Variants in FAF1 observed in about 807,000 individuals in gnomAD.
The protein encoded by FAF1 is Fas associated factor 1.
A neutral mutation model predicts 92.5 loss-of-function variants in FAF1; 25 were observed. The ratio of observed to expected loss-of-function variants is 0.27; its 90% CI spans 0.20 to 0.38. FAF1 has a LOEUF of 0.38. FAF1 is among the 10% of genes least tolerant of loss of function. FAF1 has a pLI of 1.00. For missense variants in FAF1, 636 were observed against 793.3 expected (o/e 0.80, Z 2.38); for synonymous variants, 234 against 273.2 (o/e 0.86, Z 1.42).
At chr1:50,889,342 G>A (rs1312831756) in intron 1 of FAF1, among the ~76,000 whole-genome samples, 1 of 151,970 alleles carries the variant, frequency 6.6e-6, no homozygotes, top group Non-Finnish European at 1.5e-5. Context: ...TTTTTTGAAG[G>A]GTTTTTTGTG....
chr1:50,956,672 G>A (rs144866488), intron 1 of FAF1, among the ~76,000 whole-genome samples: 108 of 152,270 alleles, frequency 7.1e-4, no homozygotes, highest in Non-Finnish European at 1.1e-3. Context: ...ATTTGAGCCG[G>A]GTGCGGTGGC....
chr1:50,916,901 A>C (rs1644922522), intron 1 of FAF1, among the ~76,000 whole-genome samples: 2 of 152,358 alleles, frequency 1.3e-5, no homozygotes, highest in African/African-American at 4.8e-5. Flanking sequence ...AAGGAAATTA[A>C]AGATAAGGAG....
intron 2 of FAF1, among the ~76,000 whole-genome samples, chr1:50,819,622 C>T (rs1181705753): frequency 1.7e-4 from 20 of 119,052 alleles, no homozygotes; most frequent in African/African-American, 6.8e-4. Context: ...CAAGACTGAC[C>T]GACTGACTGA....
At chr1:50,779,079 T>C (rs756953496) in intron 4 of FAF1, among the ~76,000 whole-genome samples, 3 of 152,188 alleles carry the variant, frequency 2.0e-5, no homozygotes, top group Non-Finnish European at 2.9e-5. Context: ...TCATCAGCAA[T>C]AGATTACATC....
chr1:50,952,253 G>C (rs577753348), intron 1 of FAF1, among the ~76,000 whole-genome samples: 1 of 152,156 alleles, frequency 6.6e-6, no homozygotes, highest in South Asian at 2.1e-4. Flanking sequence ...GATTGCAGGC[G>C]CGCGCCGCCA....
chr1:50,772,281 C>T (rs571101162), intron 4 of FAF1, among the ~76,000 whole-genome samples: 2 of 152,170 alleles, frequency 1.3e-5, no homozygotes, highest in African/African-American at 4.8e-5. Flanking sequence ...TTGTGGAAAG[C>T]AGTTTGGCAA....
rs781165099 is a variant in FAF1 at position 50,959,754 on chromosome 1, C to T, written c.45+13G>A. ...GGTTGGAAGTGGGAGGGGAAGAGGG[C>T]CAGATACTTCACCTGAAAATCCGCC... On this transcript the variant is annotated intron_variant, in intron 1 of 18. Transcript: ENST00000396153. 2 of 1,599,858 alleles carry T rather than the reference C, an allele frequency of 1.3e-6. No homozygotes were observed. The highest frequency in any genetic ancestry group is 1.4e-5 in the African/African-American group (1 of 73,902).
chr1:50,459,195 A>C (rs1646394598), intron 18 of FAF1, among the ~76,000 whole-genome samples: 1 of 152,044 alleles, frequency 6.6e-6, no homozygotes, highest in Non-Finnish European at 1.5e-5. Context: ...GCTGGTCTCA[A>C]ACTCTTGAGC....
At chr1:50,862,361 G>A (rs1484353447) in intron 1 of FAF1, among the ~76,000 whole-genome samples, 1 of 151,682 alleles carries the variant, frequency 6.6e-6, no homozygotes, top group Admixed American at 6.6e-5. Context: ...AGAAATCAGA[G>A]GAATAAAGTG....
chr1:50,557,039 C>T (rs1649621219), intron 13 of FAF1, among the ~76,000 whole-genome samples: 1 of 152,096 alleles, frequency 6.6e-6, no homozygotes, highest in African/African-American at 2.4e-5. Context: ...GAGAGCTGCT[C>T]AGAGAATCCA....
chr1:50,861,129 A>C (rs543184599), intron 1 of FAF1, among the ~76,000 whole-genome samples: 78 of 151,994 alleles, frequency 5.1e-4, no homozygotes, highest in African/African-American at 1.8e-3. Context: ...TGAGTACCTG[A>C]GTGACAAGAT....
intron 7 of FAF1, among the ~76,000 whole-genome samples, chr1:50,662,866 A>G (rs1377945513): frequency 6.7e-6 from 1 of 149,412 alleles, no homozygotes; most frequent in Non-Finnish European, 1.5e-5. Context: ...GCGCCCGGCT[A>G]ATTTTTTGTA....
intron 8 of FAF1, among the ~76,000 whole-genome samples, chr1:50,607,902 C>T (rs1652500561): frequency 6.6e-6 from 1 of 152,146 alleles, no homozygotes; most frequent in Admixed American, 6.5e-5. Context: ...CAGGCGAGTC[C>T]CAAAACTAGG....
At chr1:50,819,778 CATATATATACATAT>C (rs1334383064) in intron 2 of FAF1, among the ~76,000 whole-genome samples, 1 of 30,438 alleles carries the variant, frequency 3.3e-5, no homozygotes, top group Non-Finnish European at 7.4e-5. Flanking sequence ...TATATATATA[CATATATATACATAT>C]ATATATATAC....
At chr1:50,926,165 T>A (rs532679356) in intron 1 of FAF1, among the ~76,000 whole-genome samples, 1 of 152,198 alleles carries the variant, frequency 6.6e-6, no homozygotes, top group South Asian at 2.1e-4. Context: ...TACTGAAGCA[T>A]ATGATCACAC....
intron 18 of FAF1, among the ~76,000 whole-genome samples, chr1:50,445,082 A>C (rs1393051644): frequency 6.6e-6 from 1 of 152,152 alleles, no homozygotes; most frequent in African/African-American, 2.4e-5. Flanking sequence ...GGTAGGGACA[A>C]TTATTTTTAT....
chr1:50,465,324 T>C (rs1465500261), intron 18 of FAF1, among the ~76,000 whole-genome samples: 1 of 152,244 alleles, frequency 6.6e-6, no homozygotes, highest in Non-Finnish European at 1.5e-5. Context: ...ATAGGGTTGT[T>C]GTAAGAATTC....
chr1:50,841,020 T>C (rs1224516268), intron 2 of FAF1, among the ~76,000 whole-genome samples: 2 of 152,062 alleles, frequency 1.3e-5, no homozygotes, highest in Non-Finnish European at 2.9e-5. Flanking sequence ...ACATGAATGC[T>C]ATTATTTGAT....
rs1486588969 is a variant in FAF1, at chr1:50,792,685, A to G, written c.162-4480T>C. On this transcript the variant is annotated intron_variant, in intron 3 of 18. Transcript: ENST00000396153. ...TACATCATCCATGAGGTCCTGGAGGATACTGCATTAAAGCATTTTAAAATA... is the reference window on the plus strand; with the variant it reads ...TACATCATCCATGAGGTCCTGGAGGGTACTGCATTAAAGCATTTTAAAATA... Among the ~76,000 whole-genome samples, 3 of 152,220 alleles carry G rather than the reference A, an allele frequency of 2.0e-5. No homozygotes were observed. The East Asian group carries it at 5.8e-4, about 29-fold the overall frequency.
Sources: gnomAD v4.1 joint callset for allele counts (sites outside exome capture counted in the v4.1 genomes callset) on GRCh38, gnomAD v4.1.1 for gene constraint, MANE v1.5 for transcripts, NCBI Gene and HGNC (gene_info 2026-07-23, HGNC 2026-07-21) for gene names.